LCOR: variants seen among roughly 807,000 people sequenced by gnomAD.
The protein encoded by LCOR is ligand dependent nuclear receptor corepressor.
A neutral mutation model predicts 64.4 loss-of-function variants in LCOR; 14 were observed. The observed-to-expected ratio is 0.22, with a 90% CI of 0.14 to 0.34. The LOEUF is 0.34. Among genes scored for constraint, LCOR ranks in the 10% least tolerant of loss-of-function variants. The probability of loss-of-function intolerance (pLI) is 1.00; values close to 1 mark genes in which losing one functional copy is unlikely to be tolerated. For missense variants in LCOR, 1,686 were observed against 1,765.3 expected (o/e 0.96, Z 0.80); for synonymous variants, 643 against 642.5 (o/e 1.00, Z -0.01).
intron 7 of LCOR, chr10:96,962,902 C>T (rs1299057493): frequency 6.6e-6 from 1 of 152,204 alleles, no homozygotes; most frequent in African/African-American, 2.4e-5. Context: ...CCAGCTTGTA[C>T]ACACTGTTTA....
chr10:96,896,985 A>G (rs924265895), intron 2 of LCOR, among the ~76,000 whole-genome samples: 1 of 151,932 alleles, frequency 6.6e-6, no homozygotes, highest in Non-Finnish European at 1.5e-5. Flanking sequence ...CATTTTACCT[A>G]AAGTGAAGGA....
chr10:96,897,269 G>A (rs949615885), intron 2 of LCOR, among the ~76,000 whole-genome samples: 1 of 152,148 alleles, frequency 6.6e-6, no homozygotes, highest in African/African-American at 2.4e-5. Context: ...AAAAAGAGTA[G>A]TTAGTGGCTG....
chr10:96,878,777 T>C (rs1846212290), intron 2 of LCOR, among the ~76,000 whole-genome samples: 1 of 152,090 alleles, frequency 6.6e-6, no homozygotes, highest in Non-Finnish European at 1.5e-5. Flanking sequence ...TTTTGTTTTG[T>C]TTTTCCTTCT....
At chr10:96,940,334 T>TA (rs1491362739) in intron 4 of LCOR, among the ~76,000 whole-genome samples, 14 of 110,750 alleles carry the variant, frequency 1.3e-4, no homozygotes, top group East Asian at 8.7e-4. Flanking sequence ...TTTTTTTTTT[T>TA]ATTGATCATT....
At chr10:96,965,608 G>T (rs989671209) in intron 7 of LCOR, among the ~76,000 whole-genome samples, 1 of 144,544 alleles carries the variant, frequency 6.9e-6, no homozygotes, top group Non-Finnish European at 1.5e-5. Context: ...CTTGCAGTGA[G>T]CTGAGATCGC....
intron 4 of LCOR, among the ~76,000 whole-genome samples, chr10:96,920,834 G>C (rs1357524459): frequency 6.6e-6 from 1 of 150,506 alleles, no homozygotes; most frequent in African/African-American, 2.5e-5. Flanking sequence ...ATGTTACTCT[G>C]TTGCCCAGGC....
intron 2 of LCOR, among the ~76,000 whole-genome samples, chr10:96,857,922 A>T (rs1845831912): frequency 1.3e-5 from 2 of 152,164 alleles, no homozygotes; most frequent in South Asian, 4.1e-4. Flanking sequence ...TAACCCCTGA[A>T]GTCTTCTTAC....
intron 4 of LCOR, among the ~76,000 whole-genome samples, chr10:96,938,931 T>C (rs979712171): frequency 1.3e-5 from 2 of 152,244 alleles, no homozygotes; most frequent in Non-Finnish European, 2.9e-5. Flanking sequence ...ATGGTATTAC[T>C]TCCCAAATTG....
At chr10:96,844,136 C>G (rs1380679068) in intron 2 of LCOR, among the ~76,000 whole-genome samples, 1 of 113,274 alleles carries the variant, frequency 8.8e-6, no homozygotes, top group African/African-American at 3.3e-5. Context: ...TTCCTTCCCT[C>G]CCTCCCTCCC....
Position 96,975,120 on chromosome 10 carries a change from A to G in LCOR, c.333-5673A>G, listed in dbSNP as rs531753344. Among the ~76,000 whole-genome samples, 7 of 152,334 alleles carry G rather than the reference A, an allele frequency of 4.6e-5. 1 individual carries two copies. The South Asian group carries it at 1.5e-3, about 32-fold the overall frequency. ...CGGGAGGTGGCGGTTGCCGTGAGCC[A>G]AGATTGTGTCACTGCACTCCAGCCT... On this transcript the variant is annotated intron_variant, in intron 7 of 7. Coordinates refer to ENST00000421806, the MANE Select transcript of LCOR (RefSeq NM_001346516.2).
At chr10:96,877,813 G>A (rs1447041016) in intron 2 of LCOR, among the ~76,000 whole-genome samples, 5 of 151,586 alleles carry the variant, frequency 3.3e-5, no homozygotes, top group African/African-American at 9.7e-5. Flanking sequence ...GGGTTTCACC[G>A]CATTAGCCAG....
chr10:96,930,830 A>G lies in LCOR; in HGVS notation c.-183-13283A>G, dbSNP rs1275350781. ...TACTTGCCCTTCTCTGCCTTCTGCC[A>G]TGTGAGAGCGCAGCAAGAAGGCCTT... On this transcript the variant is annotated intron_variant, in intron 4 of 7. Transcript: ENST00000421806. 2.6e-5 allele frequency among the ~76,000 whole-genome samples: 4 copies of G among 152,308 alleles called. No individual in the cohort carries two copies. In the East Asian group the frequency reaches 7.7e-4, roughly 29 times the overall value.
In LCOR at chr10:96,862,161, C is replaced by T. The variant is rs114604154; in HGVS notation, c.-330+28682C>T. Among the ~76,000 whole-genome samples the T allele has an allele frequency of 4.1e-3, 625 of 152,338 alleles. 4 individuals carry two copies. Among genetic ancestry groups the T allele is most frequent in the African/African-American group, 0.015 (611 of 41,578 alleles). On this transcript the variant is annotated intron_variant, in intron 2 of 7. Coordinates refer to ENST00000421806, the MANE Select transcript of LCOR (RefSeq NM_001346516.2). ...AAGGGGCACAGAGCTTTCATGCCCT[C>T]CCTGGGCACACTACTCTCCAGGAGC...
chr10:96,973,984 TA>T (rs1282564497), intron 7 of LCOR, among the ~76,000 whole-genome samples: 3 of 152,208 alleles, frequency 2.0e-5, no homozygotes, highest in Non-Finnish European at 4.4e-5. Flanking sequence ...CCACCAGTAT[TA>T]ACCACAGGAA....
chr10:96,847,125 TC>T (rs1232659207), intron 2 of LCOR, among the ~76,000 whole-genome samples: 1 of 151,914 alleles, frequency 6.6e-6, no homozygotes, highest in African/African-American at 2.4e-5. Context: ...AGCCTGTTGG[TC>T]CCAGCTACCT....
chr10:96,937,348 A>C (rs1847368394), intron 4 of LCOR, among the ~76,000 whole-genome samples: 1 of 152,214 alleles, frequency 6.6e-6, no homozygotes, highest in Non-Finnish European at 1.5e-5. Flanking sequence ...TGGACTCCAG[A>C]GCTGTGAGAG....
Position 96,983,822 on chromosome 10 carries a change from T to C in LCOR, c.3362T>C (p.Val1121Ala). ...IANFNAQYMK[V>A]QKGWIQLEKE... ...AACTTCAATGCCCAGTACATGAAAG[T>C]TCAGAAGGGCTGGATCCAGTTGGAG... Residue 1121 changes from valine (V) to alanine (A), a missense_variant, in exon 8 of 8, where the codon GTT (valine) becomes GCT (alanine). Val to Ala is a moderately conservative substitution (Grantham distance 64). Around this residue, in one of 3 missense-constraint regions of LCOR, gnomAD observed 1,293 missense variants for 1,410.4 expected, o/e 0.92. Coordinates refer to ENST00000421806, the MANE Select transcript of LCOR (RefSeq NM_001346516.2). The surrounding 1 kb of genome is among the most constrained non-coding windows in gnomAD (Gnocchi z 4.5). 6.2e-7 allele frequency: 1 copy of C among 1,613,950 alleles called. No homozygotes were observed.
intron 4 of LCOR, among the ~76,000 whole-genome samples, chr10:96,935,636 A>G (rs926452449): frequency 6.6e-6 from 1 of 152,170 alleles, no homozygotes; most frequent in African/African-American, 2.4e-5. Context: ...TAGTTCTGCA[A>G]CAACCTGGGC....
intron 7 of LCOR, among the ~76,000 whole-genome samples, chr10:96,969,915 G>A: frequency 6.8e-6 from 1 of 146,102 alleles, no homozygotes; most frequent in Admixed American, 6.8e-5. Context: ...GAGAAGCTGG[G>A]ACTACAGGCA....
Sources: allele counts gnomAD v4.1 joint callset (sites outside exome capture counted in the v4.1 genomes callset), GRCh38; gene constraint gnomAD v4.1.1; regional missense constraint gnomAD v4.1.1; non-coding constraint Gnocchi (gnomAD v3.1); transcripts MANE v1.5; gene names NCBI Gene and HGNC (gene_info 2026-07-23, HGNC 2026-07-21).